RUBCN: variants seen among roughly 807,000 people sequenced by gnomAD.
RUBCN encodes run domain Beclin-1-interacting and cysteine-rich domain-containing protein.
A neutral mutation model predicts 113.2 loss-of-function variants in RUBCN; 74 were observed. That is an observed-to-expected ratio of 0.65 (90% CI 0.54 to 0.79). RUBCN has a LOEUF of 0.79. RUBCN is among the 30% of genes least tolerant of loss of function. RUBCN has a pLI of 0.00. For missense variants in RUBCN, 1,109 were observed against 1,251.7 expected (o/e 0.89, Z 1.72); for synonymous variants, 480 against 490.0 (o/e 0.98, Z 0.27).
At chr3:197,721,552 T>C (rs1726168557) in intron 1 of RUBCN, among the ~76,000 whole-genome samples, 1 of 152,096 alleles carries the variant, frequency 6.6e-6, no homozygotes, top group South Asian at 2.1e-4. Flanking sequence ...ACAACTCTTT[T>C]GTTAATCTTT....
rs10718685 is a variant in RUBCN at position 197,725,520 on chromosome 3, C to CTTTTTTT, written c.66-7397_66-7391dup. Reference sequence around the variant, plus strand: ...TACATTTCATGGCTGACAGGAGAATCTTTTTTTTTTTTTTTTTTTTTTTGT... The same window carrying CTTTTTTT: ...TACATTTCATGGCTGACAGGAGAATCTTTTTTTTTTTTTTTTTTTTTTTTTTTTTTGT... On this transcript the variant is annotated intron_variant, in intron 1 of 19. Coordinates refer to ENST00000296343, the MANE Select transcript of RUBCN (RefSeq NM_014687.4). Among the ~76,000 whole-genome samples the CTTTTTTT allele has an allele frequency of 2.6e-3, 197 of 75,330 alleles. 8 individuals carry two copies. Among genetic ancestry groups the CTTTTTTT allele is most frequent in the African/African-American group, 5.8e-3 (121 of 20,908 alleles). 49.4% of individuals were successfully genotyped at this position (75,330 alleles called of 152,430 possible).
intron 1 of RUBCN, among the ~76,000 whole-genome samples, chr3:197,733,546 G>C (rs1314262082): frequency 6.6e-6 from 1 of 152,104 alleles, no homozygotes; most frequent in African/African-American, 2.4e-5. Flanking sequence ...TCTGAACTGG[G>C]TATTTCATTG....
At chr3:197,703,462 A>G in intron 5 of RUBCN, 86 bp downstream of exon 5, 1 of 687,740 alleles carries the variant, frequency 1.5e-6, no homozygotes, top group Admixed American at 2.2e-5. Flanking sequence ...AAAAATGGCT[A>G]AGTGAAAAAG....
intron 2 of RUBCN, among the ~76,000 whole-genome samples, chr3:197,710,371 C>A (rs564195564): frequency 6.6e-6 from 1 of 152,038 alleles, no homozygotes; most frequent in Non-Finnish European, 1.5e-5. Context: ...GAGGCTGAGG[C>A]GGGTGGATCA....
intron 7 of RUBCN, among the ~76,000 whole-genome samples, chr3:197,697,970 G>C (rs1192043087): frequency 1.3e-5 from 2 of 152,156 alleles, no homozygotes. Context: ...TGTGGGCTCT[G>C]TTCCTTCCTA....
chr3:197,677,004 G>C lies in RUBCN; in HGVS notation c.2527C>G (p.Leu843Val), dbSNP rs766243275. ...GAGTACAGGTGGAGGTCCTCTGTCA[G>C]GTGGCCTGGGACTGTGTCAAAGGAA... ...LDSFDTVPGH[L>V]TEDLHLYSLN... The change falls in exon 18 of 20, where the codon CTG (leucine) becomes GTG (valine). Residue 843 changes from leucine to valine, a missense_variant. Leu to Val is a conservative substitution (Grantham distance 32). Transcript: ENST00000296343. 1 of 1,613,982 alleles carries C rather than the reference G, an allele frequency of 6.2e-7. No homozygotes were observed. The highest frequency in any genetic ancestry group is 1.1e-5 in the South Asian group (1 of 91,064).
At chr3:197,735,739 G>C (rs1728049625) in intron 1 of RUBCN, among the ~76,000 whole-genome samples, 1 of 152,048 alleles carries the variant, frequency 6.6e-6, no homozygotes, top group South Asian at 2.1e-4. Flanking sequence ...CCACAGGTGA[G>C]CACCACCACG....
intron 11 of RUBCN, among the ~76,000 whole-genome samples, chr3:197,687,478 T>TGAG (rs778584734): frequency 9.8e-5 from 15 of 152,302 alleles, no homozygotes; most frequent in Admixed American, 3.9e-4. Flanking sequence ...CACAGAAACA[T>TGAG]TTCTCCTTTG....
rs1354932130 is a variant in RUBCN, at chr3:197,696,949, C to G, written c.1357+5G>C. 4.6e-6 allele frequency: 7 copies of G among 1,523,688 alleles called. No homozygotes were observed. Among genetic ancestry groups the G allele is most frequent in the Non-Finnish European group, 6.4e-6 (7 of 1,097,542 alleles). The allele number at this position is 1,523,688 out of a possible 1,614,324, so 94.4% of individuals were successfully genotyped here. On this transcript the variant is annotated splice_donor_5th_base_variant and intron_variant, in intron 8 of 19. Transcript: ENST00000296343. ...AATTTTAGCCCTGGCCTTCCTAGTA[C>G]TCACCATATTCCATGTACAGAGAGC...
intron 1 of RUBCN, among the ~76,000 whole-genome samples, chr3:197,733,118 C>T (rs113588107): frequency 3.3e-5 from 5 of 152,296 alleles, no homozygotes; most frequent in African/African-American, 9.6e-5. Context: ...AGCTTATTCA[C>T]GTTTCATTAT....
At position 197,684,191 on chromosome 3, in the gene RUBCN, A is replaced by AGGCT; in HGVS notation, c.1809_1812dup (p.Ser606LeufsTer23). 1 of 1,613,810 alleles carries AGGCT rather than the reference A, an allele frequency of 6.2e-7. No individual in the cohort carries two copies. Among genetic ancestry groups the AGGCT allele is most frequent in the Non-Finnish European group, 8.5e-7 (1 of 1,179,736 alleles). On this transcript the variant is annotated frameshift_variant, in exon 12 of 20. Coordinates refer to ENST00000296343, the MANE Select transcript of RUBCN (RefSeq NM_014687.4). LOFTEE classifies it high-confidence loss of function. ...GAGGAAACGAAGGATTTGCTGCTTGAGGCTGTGTTCCTTCTGATGTCAGCA... is the reference window on the plus strand; with the variant it reads ...GAGGAAACGAAGGATTTGCTGCTTGAGGCTGGCTGTGTTCCTTCTGATGTCAGCA...
At chr3:197,691,588 G>A (rs1385160419) in intron 11 of RUBCN, among the ~76,000 whole-genome samples, 3 of 152,124 alleles carry the variant, frequency 2.0e-5, no homozygotes, top group Non-Finnish European at 2.9e-5. Flanking sequence ...GTTCTGAAAC[G>A]ACTAGAGAAT....
At chr3:197,691,103 A>G in intron 11 of RUBCN, 1 of 1,289,708 alleles carries the variant, frequency 7.8e-7, no homozygotes, top group Admixed American at 2.3e-5. Flanking sequence ...TGACACTGAC[A>G]GTCCGTTCTT....
Position 197,735,742 on chromosome 3 carries a change from C to A in RUBCN, c.65+913G>T, listed in dbSNP as rs1453302251. 3.3e-5 allele frequency among the ~76,000 whole-genome samples: 5 copies of A among 152,058 alleles called. No individual in the cohort carries two copies. The East Asian group carries it at 9.7e-4, about 29-fold the overall frequency. On this transcript the variant is annotated intron_variant, in intron 1 of 19. Transcript: ENST00000296343. ...GAGTAGCTGGCACCACAGGTGAGCA[C>A]CACCACGCCGAGCTAATTTTTGTAT...
At position 197,675,242 on chromosome 3, in the gene RUBCN, T is replaced by C. The variant is rs1720233035; in HGVS notation, c.2741-46A>G. ...GGGGAGAGAAGAAAACAATTTGTATTATCTCCAGCTAGAGGTCAGTTGCTG... is the reference window on the plus strand; with the variant it reads ...GGGGAGAGAAGAAAACAATTTGTATCATCTCCAGCTAGAGGTCAGTTGCTG... On this transcript the variant is annotated intron_variant, in intron 19 of 19. Transcript: ENST00000296343. The surrounding 1 kb of genome is among the most constrained non-coding windows in gnomAD (Gnocchi z 4.4). 2 of 1,606,772 alleles carry C rather than the reference T, an allele frequency of 1.2e-6. No homozygotes were observed. The highest frequency in any genetic ancestry group is 1.7e-6 in the Non-Finnish European group (2 of 1,173,676).
chr3:197,675,583 C>A lies in RUBCN; in HGVS notation c.2647-68G>T. ...TCAGGAACTGGCACGGGAGGGTGAA[C>A]ACCGAGGAGGGGAGTGGTCTACAGG... On this transcript the variant is annotated intron_variant, in intron 18 of 19. Coordinates refer to ENST00000296343, the MANE Select transcript of RUBCN (RefSeq NM_014687.4). This position sits in a 1 kb window ranked among gnomAD's most constrained non-coding sequence, Gnocchi z 4.4. 1 of 1,192,268 alleles carries A rather than the reference C, an allele frequency of 8.4e-7. No homozygotes were observed. The highest frequency in any genetic ancestry group is 1.2e-6 in the Non-Finnish European group (1 of 801,140). 73.9% of individuals were successfully genotyped at this position (1,192,268 alleles called of 1,614,324 possible).
At chr3:197,701,977 T>C in intron 5 of RUBCN, 113 bp from the exon 6 acceptor site, 1 of 954,992 alleles carries the variant, frequency 1.0e-6, no homozygotes, top group East Asian at 2.6e-5. Context: ...GCAGTAGGCC[T>C]GGACTTTAGC....
At position 197,677,559 on chromosome 3, in the gene RUBCN, G is replaced by C; in HGVS notation, c.2431-18C>G. 6.2e-7 allele frequency: 1 copy of C among 1,612,954 alleles called. No homozygotes were observed. The highest frequency in any genetic ancestry group is 8.5e-7 in the Non-Finnish European group (1 of 1,179,112). ...CGCAGCAGCTGAAAAGAAAGAGAGGGGGGCAGGAGTGGGAGGGAGATGTGA... is the reference window on the plus strand; with the variant it reads ...CGCAGCAGCTGAAAAGAAAGAGAGGCGGGCAGGAGTGGGAGGGAGATGTGA... On this transcript the variant is annotated intron_variant, in intron 16 of 19. Coordinates refer to ENST00000296343, the MANE Select transcript of RUBCN (RefSeq NM_014687.4).
At chr3:197,720,183 C>T (rs1580341607) in intron 1 of RUBCN, among the ~76,000 whole-genome samples, 1 of 152,148 alleles carries the variant, frequency 6.6e-6, no homozygotes, top group African/African-American at 2.4e-5. Context: ...TCCCTCCTAC[C>T]CTCCTCATCC....
Sources: allele counts gnomAD v4.1 joint callset (sites outside exome capture counted in the v4.1 genomes callset), GRCh38; gene constraint gnomAD v4.1.1; non-coding constraint Gnocchi (gnomAD v3.1); transcripts MANE v1.5; gene names NCBI Gene and HGNC (gene_info 2026-07-23, HGNC 2026-07-21).